The following VWA3B variants were observed in gnomAD, a reference collection of about 807,000 sequenced individuals.
The protein encoded by VWA3B is von Willebrand factor A domain-containing protein 3B.
A neutral mutation model predicts 158.3 loss-of-function variants in VWA3B; 138 were observed. The observed-to-expected ratio is 0.87, with a 90% confidence interval of 0.76 to 1.00. VWA3B has a LOEUF of 1.00. Ranked by LOEUF, VWA3B falls within the 50% of genes least tolerant of loss-of-function variation. The pLI is 0.00. For missense variants in VWA3B, 1,555 were observed against 1,565.1 expected (o/e 0.99, Z 0.11); for synonymous variants, 596 against 587.3 (o/e 1.01, Z -0.21).
intron 8 of VWA3B, among the ~76,000 whole-genome samples, chr2:98,173,383 C>T (rs936367350): frequency 1.3e-5 from 2 of 152,178 alleles, no homozygotes; most frequent in Admixed American, 6.5e-5. Flanking sequence ...TGATAAGCAA[C>T]AAGTGAGAAT....
At position 98,256,125 on chromosome 2, in the gene VWA3B, C is replaced by G; in HGVS notation, c.2794C>G (p.Arg932Gly). Residue 932 changes from arginine to glycine, a missense_variant and splice_region_variant, in exon 21 of 28, where the codon CGC becomes GGC. Physicochemically the swap from Arg to Gly is moderately radical, Grantham distance 125 (BLOSUM62 -2). Transcript: ENST00000477737. The part of the protein sequence containing the change: ...VEQAIQSYEK[R>G]LNKIVWRALS... ...TTGTTGACTTTTTTTTTTTAACAGG[C>G]GCTTGAATAAAATTGTTTGGCGAGC... 1 of 1,612,196 alleles carries G rather than the reference C, an allele frequency of 6.2e-7. No individual in the cohort carries two copies. The highest frequency in any genetic ancestry group is 8.5e-7 in the Non-Finnish European group (1 of 1,179,570).
At chr2:98,131,235 G>A (rs184645785) in intron 6 of VWA3B, among the ~76,000 whole-genome samples, 9 of 152,226 alleles carry the variant, frequency 5.9e-5, no homozygotes, top group East Asian at 3.9e-4. Flanking sequence ...CTTATTTCCC[G>A]TAATATAATG....
intron 22 of VWA3B, among the ~76,000 whole-genome samples, chr2:98,280,786 A>G (rs960450236): frequency 6.6e-6 from 1 of 152,210 alleles, no homozygotes; most frequent in Admixed American, 6.5e-5. Context: ...GGCAAGGCTA[A>G]GTGCCTAAGA....
At chr2:98,201,586 C>T (rs1295744491) in intron 12 of VWA3B, among the ~76,000 whole-genome samples, 1 of 152,146 alleles carries the variant, frequency 6.6e-6, no homozygotes, top group Non-Finnish European at 1.5e-5. Context: ...AACATTCAAT[C>T]TTTCACTATT....
chr2:98,180,191 T>C (rs1680443330), intron 8 of VWA3B, among the ~76,000 whole-genome samples: 1 of 151,482 alleles, frequency 6.6e-6, no homozygotes, highest in Non-Finnish European at 1.5e-5. Context: ...CTTTCTGTCT[T>C]TCTTTCATTC....
chr2:98,226,189 GT>G (rs1212622086), intron 14 of VWA3B, among the ~76,000 whole-genome samples: 1 of 152,212 alleles, frequency 6.6e-6, no homozygotes, highest in Admixed American at 6.5e-5. Flanking sequence ...GGCTTACTAT[GT>G]AGCTGCATTC....
chr2:98,315,857 G>T (rs17428843), downstream of VWA3B, among the ~76,000 whole-genome samples: 5,936 of 152,216 alleles, frequency 0.039, 166 homozygotes, highest in Middle Eastern at 0.075. Flanking sequence ...TGAGACGAAG[G>T]ATATAAATTT....
At chr2:98,162,101 C>T (rs1217320061) in intron 7 of VWA3B, among the ~76,000 whole-genome samples, 1 of 152,264 alleles carries the variant, frequency 6.6e-6, no homozygotes, top group East Asian at 1.9e-4. Context: ...GGTAGCAGGA[C>T]AGGACCTCTC....
At chr2:98,186,156 G>T in intron 9 of VWA3B, among the ~76,000 whole-genome samples, 1 of 97,512 alleles carries the variant, frequency 1.0e-5, no homozygotes, top group Non-Finnish European at 1.9e-5. Flanking sequence ...TCACTTCCTT[G>T]AATTTTTTTT....
At chr2:98,182,100 T>C (rs139656070) in intron 9 of VWA3B, among the ~76,000 whole-genome samples, 270 of 152,304 alleles carry the variant, frequency 1.8e-3, no homozygotes, top group African/African-American at 6.4e-3. Flanking sequence ...GAAGTGAACC[T>C]AAAATGCAAG....
chr2:98,255,376 C>T (rs1488537518), intron 20 of VWA3B, among the ~76,000 whole-genome samples: 1 of 151,522 alleles, frequency 6.6e-6, no homozygotes, highest in African/African-American at 2.4e-5. Context: ...AACCCTGGAG[C>T]CAGTGTTCTC....
intron 7 of VWA3B, among the ~76,000 whole-genome samples, chr2:98,162,061 T>C (rs1243260499): frequency 6.6e-6 from 1 of 152,156 alleles, no homozygotes; most frequent in Non-Finnish European, 1.5e-5. Context: ...TACCACAGCA[T>C]GGCTGGGACC....
At chr2:98,093,369 A>G in intron 2 of VWA3B, 81 bp downstream of exon 2, 1 of 1,445,220 alleles carries the variant, frequency 6.9e-7, no homozygotes, top group South Asian at 1.3e-5. Context: ...AAGGCCCCTC[A>G]AAAACCACAG....
At chr2:98,175,554 A>G (rs1464522416) in intron 8 of VWA3B, among the ~76,000 whole-genome samples, 1 of 152,252 alleles carries the variant, frequency 6.6e-6, no homozygotes, top group Non-Finnish European at 1.5e-5. Context: ...GAATGAAAAA[A>G]ACCAAACAGA....
chr2:98,245,568 C>G (rs1308892114), intron 19 of VWA3B: 1 of 456,746 alleles, frequency 2.2e-6, no homozygotes. Context: ...ACAATGGCCA[C>G]GAAAGGCATG....
At chr2:98,182,316 G>A (rs999522952) in intron 9 of VWA3B, among the ~76,000 whole-genome samples, 3 of 152,186 alleles carry the variant, frequency 2.0e-5, no homozygotes, top group Non-Finnish European at 2.9e-5. Flanking sequence ...TAGGCTGGCC[G>A]GCCACTGAGC....
intron 12 of VWA3B, among the ~76,000 whole-genome samples, chr2:98,196,120 G>C (rs981996540): frequency 6.6e-6 from 1 of 152,190 alleles, no homozygotes; most frequent in Non-Finnish European, 1.5e-5. Flanking sequence ...GGAGCAGGGT[G>C]CTGGGTGGGG....
rs532148035 is a variant in VWA3B at position 98,210,300 on chromosome 2, G to A, written c.1738-1630G>A. On this transcript the variant is annotated intron_variant, in intron 12 of 27. Transcript: ENST00000477737. ...AGAGTCTTCCCTGCTGTCTCCCCTA[G>A]AAGATGTATTTAGCAACTCACTCAG... Among the ~76,000 whole-genome samples the A allele has an allele frequency of 3.1e-3, 479 of 152,198 alleles. 1 individual carries two copies. The highest frequency in any genetic ancestry group is 0.011 in the African/African-American group (446 of 41,526).
chr2:98,146,919 T>G (rs532128647), intron 7 of VWA3B, among the ~76,000 whole-genome samples: 4 of 152,344 alleles, frequency 2.6e-5, no homozygotes, highest in Non-Finnish European at 4.4e-5. Context: ...GATGTCTTCA[T>G]CAACTGTGTG....
Sources: allele counts gnomAD v4.1 joint callset (sites outside exome capture counted in the v4.1 genomes callset), GRCh38; gene constraint gnomAD v4.1.1; transcripts MANE v1.5; gene names NCBI Gene and HGNC (gene_info 2026-07-23, HGNC 2026-07-21).